Variants in RBPJ observed in about 807,000 individuals in gnomAD.
RBPJ encodes recombining binding protein suppressor of hairless.
In RBPJ, 9 loss-of-function variants were observed where a neutral mutation model predicts 67.8. That is an observed-to-expected ratio of 0.13 (90% CI 0.08 to 0.23). RBPJ has a LOEUF of 0.23. Among genes scored for constraint, RBPJ ranks in the 10% least tolerant of loss-of-function variants. The probability of loss-of-function intolerance (pLI) is 1.00; values close to 1 mark genes in which losing one functional copy is unlikely to be tolerated. For synonymous variants in RBPJ, 198 were observed against 203.3 expected (o/e 0.97, Z 0.22); for missense variants, 305 against 595.6 (o/e 0.51, Z 5.08).
chr4:26,319,503 T>G (rs1307461812), upstream of RBPJ, among the ~76,000 whole-genome samples: 7 of 101,826 alleles, frequency 6.9e-5, no homozygotes, highest in East Asian at 2.1e-3. Context: ...GCCGCCCGCC[T>G]CCCGGGCACG....
At chr4:26,226,019 G>T (rs963011264) in intron 1 of RBPJ, among the ~76,000 whole-genome samples, 3 of 151,812 alleles carry the variant, frequency 2.0e-5, no homozygotes, top group African/African-American at 7.3e-5. Context: ...CATGATGGTG[G>T]TTGCCTGTAA....
At chr4:26,246,199 G>T (rs1015056136) in intron 1 of RBPJ, among the ~76,000 whole-genome samples, 1 of 152,060 alleles carries the variant, frequency 6.6e-6, no homozygotes, top group Admixed American at 6.6e-5. Flanking sequence ...TGTGAACATG[G>T]GATGTCTTTC....
chr4:26,378,748 T>C (rs888219243), intron 1 of RBPJ, among the ~76,000 whole-genome samples: 1 of 152,162 alleles, frequency 6.6e-6, no homozygotes, highest in African/African-American at 2.4e-5. Flanking sequence ...TAAATGAGGC[T>C]GAGTGTGGTG....
rs182781642 is a variant in RBPJ, at chr4:26,418,290, G to A, written c.322-2261G>A. 5.9e-3 allele frequency among the ~76,000 whole-genome samples: 895 copies of A among 152,246 alleles called. 9 individuals are homozygous for A. The highest frequency in any genetic ancestry group is 0.02 in the African/African-American group (843 of 41,540). On this transcript the variant is annotated intron_variant, in intron 4 of 10. Coordinates refer to ENST00000355476, the MANE Select transcript of RBPJ (RefSeq NM_015874.6). ...TTAGCTAATTTAACCTTTTGCAATA[G>A]CAAGGCAAATGTAATTTTAGTTTTA...
chr4:26,257,258 T>G (rs1190162180), intron 1 of RBPJ, among the ~76,000 whole-genome samples: 1 of 152,266 alleles, frequency 6.6e-6, no homozygotes, highest in Non-Finnish European at 1.5e-5. Context: ...GCCTATTATA[T>G]CTAGCAAGTT....
chr4:26,352,105 A>G (rs563713802), intron 1 of RBPJ, among the ~76,000 whole-genome samples: 3 of 152,264 alleles, frequency 2.0e-5, no homozygotes, highest in Admixed American at 1.3e-4. Flanking sequence ...TAGCAGTTTT[A>G]GCATTATTTT....
chr4:26,387,024 GTGTC>G (rs1372861259), intron 2 of RBPJ, among the ~76,000 whole-genome samples: 1 of 152,056 alleles, frequency 6.6e-6, no homozygotes, highest in Non-Finnish European at 1.5e-5. Flanking sequence ...ATGTATGTAT[GTGTC>G]TGTCCTTTTT....
intron 2 of RBPJ, among the ~76,000 whole-genome samples, chr4:26,404,477 C>T (rs1733184700): frequency 2.6e-5 from 4 of 151,746 alleles, no homozygotes; most frequent in Admixed American, 2.6e-4. Context: ...CAAAGCCTTT[C>T]ATAGTTTGAC....
chr4:26,379,443 T>G (rs1287219740), intron 1 of RBPJ, among the ~76,000 whole-genome samples: 4 of 152,168 alleles, frequency 2.6e-5, no homozygotes, highest in African/African-American at 9.7e-5. Flanking sequence ...TAGTTCTGCA[T>G]GGCTGGGGAG....
At chr4:26,355,946 A>G (rs1187370072) in intron 1 of RBPJ, among the ~76,000 whole-genome samples, 1 of 152,196 alleles carries the variant, frequency 6.6e-6, no homozygotes, top group Non-Finnish European at 1.5e-5. Context: ...TAAACTTTTT[A>G]ACTATGTTAG....
intron 1 of RBPJ, among the ~76,000 whole-genome samples, chr4:26,346,169 T>C (rs921682751): frequency 3.9e-5 from 6 of 152,040 alleles, no homozygotes; most frequent in Admixed American, 2.0e-4. Context: ...ATTTAGGACA[T>C]GGACATGCAC....
At chr4:26,396,217 A>T (rs1233767352) in intron 2 of RBPJ, among the ~76,000 whole-genome samples, 2 of 152,262 alleles carry the variant, frequency 1.3e-5, no homozygotes, top group Admixed American at 1.3e-4. Flanking sequence ...GATCTGCTAC[A>T]TGAATAGTAA....
At chr4:26,226,038 A>C (rs1719062934) in intron 1 of RBPJ, among the ~76,000 whole-genome samples, 1 of 151,250 alleles carries the variant, frequency 6.6e-6, no homozygotes. Flanking sequence ...AATCTCAGCT[A>C]CTCGGGAGGC....
chr4:26,222,955 AC>A (rs1718963299), intron 1 of RBPJ, among the ~76,000 whole-genome samples: 1 of 151,914 alleles, frequency 6.6e-6, no homozygotes, highest in Non-Finnish European at 1.5e-5. Flanking sequence ...GAAGTTCAAG[AC>A]CAGCCTGACC....
intron 2 of RBPJ, among the ~76,000 whole-genome samples, chr4:26,404,802 C>T (rs1302501927): frequency 6.6e-6 from 1 of 152,060 alleles, no homozygotes; most frequent in Non-Finnish European, 1.5e-5. Flanking sequence ...ATTATCAGGC[C>T]CTGTAACGCC....
the RBPJ span, among the ~76,000 whole-genome samples, chr4:26,116,326 G>T: frequency 6.6e-6 from 1 of 152,338 alleles, no homozygotes; most frequent in South Asian, 2.1e-4. Context: ...TATATGGAAT[G>T]CCCGGTATGC....
At chr4:26,429,531 C>T (rs73126672) in intron 8 of RBPJ, among the ~76,000 whole-genome samples, 2 of 152,310 alleles carry the variant, frequency 1.3e-5, no homozygotes, top group Admixed American at 6.5e-5. Context: ...TGAGGAGTCC[C>T]ATTGTCTTTC....
chr4:26,310,675 T>C (rs1047739073), intron 1 of RBPJ, among the ~76,000 whole-genome samples: 17 of 150,278 alleles, frequency 1.1e-4, no homozygotes, highest in Non-Finnish European at 2.1e-4. Context: ...CTTTTTTTTT[T>C]TTTTTTTTTT....
chr4:26,266,864 C>G (rs9995052), intron 1 of RBPJ, among the ~76,000 whole-genome samples: 88 of 152,212 alleles, frequency 5.8e-4, no homozygotes, highest in African/African-American at 2.1e-3. Context: ...AATTCCCAGG[C>G]AAAATTGTGT....
Sources: allele counts gnomAD v4.1 joint callset (sites outside exome capture counted in the v4.1 genomes callset), GRCh38; gene constraint gnomAD v4.1.1; transcripts MANE v1.5; gene names NCBI Gene and HGNC (gene_info 2026-07-23, HGNC 2026-07-21).